RBPMS: variants seen among roughly 807,000 people sequenced by gnomAD.
The protein encoded by RBPMS is RNA-binding protein with multiple splicing.
A neutral mutation model predicts 26.8 loss-of-function variants in RBPMS; 7 were observed. The observed-to-expected ratio is 0.26, with a 90% CI of 0.15 to 0.49. RBPMS has a LOEUF of 0.49. RBPMS is among the 20% of genes least tolerant of loss of function. RBPMS has a pLI of 0.98. For missense variants in RBPMS, 186 were observed against 250.0 expected (o/e 0.74, Z 1.73); for synonymous variants, 96 against 93.3 (o/e 1.03, Z -0.17).
chr8:30,545,335 C>T, intron 6 of RBPMS: 1 of 1,150,358 alleles, frequency 8.7e-7, no homozygotes, highest in Non-Finnish European at 1.1e-6. Flanking sequence ...CACTTCCTCT[C>T]CCCTTGGAGA....
At chr8:30,452,730 T>TTAGCTTTAGCTA (rs933274401) in intron 1 of RBPMS, among the ~76,000 whole-genome samples, 1 of 152,212 alleles carries the variant, frequency 6.6e-6, no homozygotes, top group African/African-American at 2.4e-5. Flanking sequence ...CTGCAGGGGA[T>TTAGCTTTAGCTA]ATACCAGGAC....
chr8:30,527,050 C>G (rs1027489998), intron 5 of RBPMS, among the ~76,000 whole-genome samples: 4 of 152,208 alleles, frequency 2.6e-5, no homozygotes, highest in Non-Finnish European at 5.9e-5. Context: ...TACATACTTA[C>G]AAAACTTTCC....
Position 30,525,792 on chromosome 8 carries a change from C to T in RBPMS, c.398-18702C>T, listed in dbSNP as rs1245466970. ...TAGGTGGCGGGTGTCAGGACCCATGCTGTAGAGCTCTCTGCAGGTTGCAGC... is the reference window on the plus strand; with the variant it reads ...TAGGTGGCGGGTGTCAGGACCCATGTTGTAGAGCTCTCTGCAGGTTGCAGC... On this transcript the variant is annotated intron_variant, in intron 5 of 8. Transcript: ENST00000397323. Among the ~76,000 whole-genome samples, 3 of 152,346 alleles carry T rather than the reference C, an allele frequency of 2.0e-5. No homozygotes were observed. The East Asian group carries it at 5.8e-4, about 29-fold the overall frequency.
Position 30,549,726 on chromosome 8 carries a change from ATTTC to A in RBPMS, c.528+5123_528+5126del, listed in dbSNP as rs199860833. The A allele has an allele frequency of 5.6e-4, 278 of 495,960 alleles. 3 individuals are homozygous for A. Among genetic ancestry groups the A allele is most frequent in the Non-Finnish European group, 5.6e-4 (158 of 280,328 alleles). The allele number at this position is 495,960 out of a possible 1,614,324, so 30.7% of individuals were successfully genotyped here. On this transcript the variant is annotated intron_variant, in intron 6 of 8. Coordinates refer to ENST00000397323, the MANE Select transcript of RBPMS (RefSeq NM_001008710.3). ...CTTTCCCAGGCCCTTCCTGGAGGCG[ATTTC>A]TTTCTTTCTTTCTTTCTTTCCTTTT...
intron 4 of RBPMS, among the ~76,000 whole-genome samples, chr8:30,494,993 TAAG>T (rs1188756462): frequency 6.6e-6 from 1 of 152,208 alleles, no homozygotes; most frequent in Non-Finnish European, 1.5e-5. Context: ...CATTGTATTT[TAAG>T]AAGTGGCCTA....
intron 1 of RBPMS, among the ~76,000 whole-genome samples, chr8:30,388,300 G>A (rs1362903241): frequency 1.3e-5 from 2 of 151,566 alleles, no homozygotes; most frequent in Admixed American, 6.6e-5. Flanking sequence ...TATAAAAATT[G>A]ATATATAATA....
At chr8:30,412,038 C>CTTTCTATG (rs1227750774) in intron 1 of RBPMS, among the ~76,000 whole-genome samples, 2 of 152,002 alleles carry the variant, frequency 1.3e-5, no homozygotes, top group Admixed American at 6.6e-5. Context: ...GTTTCTCCTC[C>CTTTCTATG]TTTCTGTCCC....
chr8:30,490,604 C>T (rs1029905907), intron 4 of RBPMS, among the ~76,000 whole-genome samples: 1 of 152,106 alleles, frequency 6.6e-6, no homozygotes, highest in African/African-American at 2.4e-5. Flanking sequence ...GGATTACAGG[C>T]GCGTGCCTCC....
At chr8:30,555,793 T>C (rs531144593) in intron 6 of RBPMS, 1 of 717,260 alleles carries the variant, frequency 1.4e-6, no homozygotes, top group Non-Finnish European at 1.7e-6. Context: ...CCTTATGGGA[T>C]GGGCAGGAGT....
chr8:30,544,876 T>G (rs1825742597), intron 6 of RBPMS: 1 of 1,501,960 alleles, frequency 6.7e-7, no homozygotes, highest in East Asian at 2.5e-5. Context: ...TCTCACCTCA[T>G]ATCGCACATG....
intron 5 of RBPMS, among the ~76,000 whole-genome samples, chr8:30,513,763 A>G (rs1563396294): frequency 6.6e-6 from 1 of 152,172 alleles, no homozygotes; most frequent in Non-Finnish European, 1.5e-5. Flanking sequence ...AATCCAAAAG[A>G]AATACAAGCT....
chr8:30,425,442 C>T (rs953216868), intron 1 of RBPMS, among the ~76,000 whole-genome samples: 1 of 151,910 alleles, frequency 6.6e-6, no homozygotes, highest in African/African-American at 2.4e-5. Context: ...CTCTTGTTGC[C>T]CAGGCTGGAG....
In RBPMS at chr8:30,556,378, G is replaced by T. The variant is rs538132522; in HGVS notation, c.529-2509G>T. Reference sequence around the variant, plus strand: ...TCCCCAACCCTGCAGGCACCTGTGCGAGTGAGAACGTGAGGGCTGTGTGCG... The same window carrying T: ...TCCCCAACCCTGCAGGCACCTGTGCTAGTGAGAACGTGAGGGCTGTGTGCG... On this transcript the variant is annotated intron_variant, in intron 6 of 8. Coordinates refer to ENST00000397323, the MANE Select transcript of RBPMS (RefSeq NM_001008710.3). 1.5e-5 allele frequency: 15 copies of T among 985,696 alleles called. No homozygotes were observed. In the East Asian group the frequency reaches 1.5e-3, roughly 97 times the overall value. 61.1% of individuals were successfully genotyped at this position (985,696 alleles called of 1,614,324 possible).
chr8:30,480,102 G>A (rs1818118184), intron 4 of RBPMS, among the ~76,000 whole-genome samples: 1 of 152,232 alleles, frequency 6.6e-6, no homozygotes, highest in African/African-American at 2.4e-5. Flanking sequence ...TGCTGAGGAT[G>A]AATCCTCAGG....
chr8:30,410,589 T>C (rs562580720), intron 1 of RBPMS, among the ~76,000 whole-genome samples: 38 of 152,138 alleles, frequency 2.5e-4, no homozygotes, highest in South Asian at 2.5e-3. Flanking sequence ...TGTATAGATA[T>C]GTATATATAA....
chr8:30,500,714 A>T (rs962386635), intron 4 of RBPMS, among the ~76,000 whole-genome samples: 1 of 152,140 alleles, frequency 6.6e-6, no homozygotes, highest in Admixed American at 6.5e-5. Context: ...TGAAATCCTT[A>T]TAAGAGAAAA....
At chr8:30,507,494 T>C (rs1821187332) in intron 5 of RBPMS, among the ~76,000 whole-genome samples, 1 of 152,198 alleles carries the variant, frequency 6.6e-6, no homozygotes, top group Admixed American at 6.5e-5. Flanking sequence ...GTCATCACAG[T>C]TTGAGTGTAG....
intron 5 of RBPMS, among the ~76,000 whole-genome samples, chr8:30,515,717 G>T (rs1822236756): frequency 6.6e-6 from 1 of 152,024 alleles, no homozygotes; most frequent in East Asian, 1.9e-4. Flanking sequence ...GTGCAGTGAT[G>T]CCATCACAGC....
intron 1 of RBPMS, among the ~76,000 whole-genome samples, chr8:30,472,654 A>G (rs373303431): frequency 2.0e-5 from 3 of 152,270 alleles, no homozygotes; most frequent in Non-Finnish European, 4.4e-5. Flanking sequence ...TTACATCATT[A>G]TAGTGTTTAT....
Sources: gnomAD v4.1 joint callset for allele counts (sites outside exome capture counted in the v4.1 genomes callset) on GRCh38, gnomAD v4.1.1 for gene constraint, MANE v1.5 for transcripts, NCBI Gene and HGNC (gene_info 2026-07-23, HGNC 2026-07-21) for gene names.